The following UNC13B variants were observed in gnomAD, a reference collection of about 807,000 sequenced individuals.
UNC13B encodes protein unc-13 homolog B.
Under a neutral mutation model 211.0 loss-of-function variants are expected in UNC13B, and 144 were observed. That is an observed-to-expected ratio of 0.68 (90% CI 0.60 to 0.78). The LOEUF (loss-of-function observed/expected upper bound fraction) is 0.78. Among genes scored for constraint, UNC13B ranks in the 30% least tolerant of loss-of-function variants. UNC13B has a pLI of 0.00. For synonymous variants in UNC13B, 709 were observed against 725.8 expected (o/e 0.98, Z 0.37); for missense variants, 1,777 against 2,002.0 (o/e 0.89, Z 2.14).
chr9:35,178,893 A>AAAAAAAAAAAAAAAAAG, intron 1 of UNC13B, among the ~76,000 whole-genome samples: 1 of 151,242 alleles, frequency 6.6e-6, no homozygotes. Context: ...CTCAAAAAAA[A>AAAAAAAAAAAAAAAAAG]AAAAAAAAAA....
intron 7 of UNC13B, among the ~76,000 whole-genome samples, chr9:35,274,211 C>T (rs545882604): frequency 8.5e-5 from 13 of 152,238 alleles, no homozygotes; most frequent in East Asian, 7.7e-4. Flanking sequence ...TTTGTGGCCT[C>T]GCACTCTCAA....
At chr9:35,351,424 A>G in intron 11 of UNC13B, 1 of 1,230,770 alleles carries the variant, frequency 8.1e-7, no homozygotes, top group Non-Finnish European at 1.0e-6. Flanking sequence ...AACAAACTGA[A>G]AAGAGCAGGA....
chr9:35,367,241 C>T (rs1833831043), intron 12 of UNC13B, among the ~76,000 whole-genome samples: 1 of 152,152 alleles, frequency 6.6e-6, no homozygotes, highest in Non-Finnish European at 1.5e-5. Flanking sequence ...GGGGCCTTCT[C>T]ATCCTTGCCT....
At chr9:35,353,464 G>A (rs1412445809) in intron 11 of UNC13B, 2 of 1,232,156 alleles carry the variant, frequency 1.6e-6, no homozygotes, top group African/African-American at 1.6e-5. Flanking sequence ...AGAGCCCTGG[G>A]AGTCAGGGGA....
intron 3 of UNC13B, among the ~76,000 whole-genome samples, chr9:35,231,565 A>C (rs949692880): frequency 1.3e-5 from 2 of 152,156 alleles, no homozygotes; most frequent in African/African-American, 4.8e-5. Context: ...CATGACATTA[A>C]ACATAACTTC....
intron 8 of UNC13B, 124 bp downstream of exon 8, chr9:35,296,054 A>G (rs1406756937): frequency 1.2e-6 from 1 of 807,106 alleles, no homozygotes; most frequent in East Asian, 2.7e-5. Context: ...CACCGGCCAA[A>G]CTACAGTCAT....
At chr9:35,226,101 T>A (rs1217015813) in intron 1 of UNC13B, among the ~76,000 whole-genome samples, 1 of 152,162 alleles carries the variant, frequency 6.6e-6, no homozygotes, top group Non-Finnish European at 1.5e-5. Context: ...GCATCCCTGT[T>A]CTTTAGCCAG....
At chr9:35,241,284 A>G (rs976045351) in intron 5 of UNC13B, among the ~76,000 whole-genome samples, 2 of 152,134 alleles carry the variant, frequency 1.3e-5, no homozygotes, top group Non-Finnish European at 2.9e-5. Context: ...TTTTAATTTT[A>G]ACTATTTGTA....
intron 1 of UNC13B, among the ~76,000 whole-genome samples, chr9:35,226,196 G>C (rs1824831724): frequency 6.6e-6 from 1 of 152,082 alleles, no homozygotes; most frequent in Non-Finnish European, 1.5e-5. Context: ...AGAAACTAAG[G>C]TGATGTGGCC....
At chr9:35,269,194 G>A (rs1035643284) in intron 7 of UNC13B, among the ~76,000 whole-genome samples, 2 of 152,136 alleles carry the variant, frequency 1.3e-5, no homozygotes, top group African/African-American at 4.8e-5. Flanking sequence ...GCTATAAACT[G>A]GAGTTCCCAC....
chr9:35,299,404 C>T (rs1021478191), intron 8 of UNC13B, among the ~76,000 whole-genome samples: 1 of 152,068 alleles, frequency 6.6e-6, no homozygotes, highest in Non-Finnish European at 1.5e-5. Context: ...AGAAAGTTAA[C>T]AGCTTGGCTT....
chr9:35,170,934 G>C (rs945669466), intron 1 of UNC13B, among the ~76,000 whole-genome samples: 24 of 152,026 alleles, frequency 1.6e-4, no homozygotes, highest in African/African-American at 5.3e-4. Flanking sequence ...TCAGCCTCCT[G>C]AGTAGCTGGG....
chr9:35,252,962 G>GCTATT (rs1199128266), intron 6 of UNC13B, among the ~76,000 whole-genome samples: 3 of 152,072 alleles, frequency 2.0e-5, no homozygotes, highest in Admixed American at 1.3e-4. Flanking sequence ...TCTGTTACCA[G>GCTATT]CTATTCAGTT....
intron 13 of UNC13B, 143 bp downstream of exon 13, chr9:35,370,539 T>A: frequency 2.8e-6 from 2 of 703,632 alleles, no homozygotes; most frequent in South Asian, 2.0e-5. Flanking sequence ...TTCGGAGACT[T>A]AGCAGTGGCT....
intron 26 of UNC13B, among the ~76,000 whole-genome samples, chr9:35,393,554 T>C (rs575280832): frequency 2.0e-5 from 3 of 150,036 alleles, no homozygotes; most frequent in African/African-American, 7.3e-5. Flanking sequence ...AAGCCATGCA[T>C]AGGCTTTTGG....
chr9:35,260,706 C>T (rs1007874006), intron 7 of UNC13B, among the ~76,000 whole-genome samples: 13 of 151,920 alleles, frequency 8.6e-5, no homozygotes, highest in Non-Finnish European at 1.9e-4. Context: ...TGTTTAGGAC[C>T]GAACATTTAA....
intron 11 of UNC13B, among the ~76,000 whole-genome samples, chr9:35,322,584 G>C (rs1465010843): frequency 6.6e-6 from 1 of 152,108 alleles, no homozygotes; most frequent in Non-Finnish European, 1.5e-5. Flanking sequence ...TCTTAGGGGC[G>C]ATCATTAAGA....
intron 1 of UNC13B, among the ~76,000 whole-genome samples, chr9:35,179,866 G>T (rs2131294256): frequency 6.6e-6 from 1 of 152,278 alleles, no homozygotes; most frequent in East Asian, 1.9e-4. Flanking sequence ...AAAGCATTAA[G>T]TTCAGTTAAT....
At chr9:35,241,388 G>T (rs867154891) in intron 5 of UNC13B, among the ~76,000 whole-genome samples, 2 of 152,048 alleles carry the variant, frequency 1.3e-5, no homozygotes, top group African/African-American at 2.4e-5. Context: ...GTATCTCTCT[G>T]TATTTTTTTC....
Sources: allele counts gnomAD v4.1 joint callset (sites outside exome capture counted in the v4.1 genomes callset), GRCh38; gene constraint gnomAD v4.1.1; transcripts MANE v1.5; gene names NCBI Gene and HGNC (gene_info 2026-07-23, HGNC 2026-07-21).